MAP1LC3C: variants seen among roughly 807,000 people sequenced by gnomAD.
The protein encoded by MAP1LC3C is microtubule associated protein 1 light chain 3 gamma.
In MAP1LC3C, 12 loss-of-function variants were observed where a neutral mutation model predicts 10.4. The observed-to-expected ratio is 1.15, with a 90% CI of 0.74 to 1.86. The LOEUF (loss-of-function observed/expected upper bound fraction) is 1.86. Among genes scored for constraint, MAP1LC3C ranks in the 40% most tolerant of loss-of-function variants. The pLI is 0.00. For missense variants in MAP1LC3C, 177 were observed against 185.7 expected (o/e 0.95, Z 0.27); for synonymous variants, 70 against 69.0 (o/e 1.01, Z -0.07).
At chr1:241,998,462 G>T in intron 3 of MAP1LC3C, 52 bp downstream of exon 3, 1 of 1,509,438 alleles carries the variant, frequency 6.6e-7, no homozygotes, top group Non-Finnish European at 9.2e-7. Flanking sequence ...AAGCCCAACA[G>T]CCCCGGCGCA....
chr1:241,997,002 G>T (rs3932333), intron 3 of MAP1LC3C, among the ~76,000 whole-genome samples: 133,159 of 147,198 alleles, frequency 0.9, 60,426 homozygotes, highest in Non-Finnish European at 0.96. Context: ...TTTTTTTTTT[G>T]ATTCCCCTGC....
In MAP1LC3C at chr1:241,997,978, G is replaced by A. The variant is rs117757107; in HGVS notation, c.221+536C>T. Among the ~76,000 whole-genome samples the A allele has an allele frequency of 2.5e-3, 367 of 149,500 alleles. 12 individuals carry two copies. The East Asian group carries it at 0.062, about 25-fold the overall frequency. On this transcript the variant is annotated intron_variant, in intron 3 of 3. Coordinates refer to ENST00000357246, the MANE Select transcript of MAP1LC3C (RefSeq NM_001004343.3). ...TTGGCAGGTCTTTTTTGTTGTTGTC[G>A]TTGTCTGAGGGATTCTCCTTACCTG...
chr1:241,997,876 C>T (rs1665116408), intron 3 of MAP1LC3C, among the ~76,000 whole-genome samples: 1 of 152,108 alleles, frequency 6.6e-6, no homozygotes. Context: ...CTCGGTTTCA[C>T]ACAAGATCTG....
chr1:241,996,184 G>A lies in MAP1LC3C; in HGVS notation c.423C>T (p.Asp141=). The change falls in exon 4 of 4, where the codon GAC becomes GAT. Residue 141 remains aspartate (D), a synonymous_variant. Transcript: ENST00000357246. Reference sequence around the variant, plus strand: ...TGGGCTAGAGAGGATTGCAGGGTCTGTCCTCAAGGCTGCTCCCATCCCTGG... The same window carrying A: ...TGGGCTAGAGAGGATTGCAGGGTCTATCCTCAAGGCTGCTCCCATCCCTGG... ...AAPRDGSSLE[D]RPCNPL is the part of the protein sequence containing the mutation. The A allele has an allele frequency of 6.2e-7, 1 of 1,614,014 alleles. No homozygotes were observed. Among genetic ancestry groups the A allele is most frequent in the Non-Finnish European group, 8.5e-7 (1 of 1,180,018 alleles).
chr1:241,998,732 AC>A (rs1184230262), intron 2 of MAP1LC3C, 43 bp downstream of exon 2: 1 of 1,612,754 alleles, frequency 6.2e-7, no homozygotes, highest in Non-Finnish European at 8.5e-7. Context: ...CAGGATCGGA[AC>A]CCCACCCCCA....
chr1:242,000,789 T>C (rs1426405032), upstream of MAP1LC3C, among the ~76,000 whole-genome samples: 3 of 152,160 alleles, frequency 2.0e-5, no homozygotes, highest in Non-Finnish European at 2.9e-5. Flanking sequence ...GGAGGCTTCA[T>C]TATGTAAGCA....
chr1:241,999,026 T>A lies in MAP1LC3C; in HGVS notation c.-18A>T. 6.3e-7 allele frequency: 1 copy of A among 1,591,426 alleles called. No individual in the cohort carries two copies. The highest frequency in any genetic ancestry group is 2.2e-5 in the East Asian group (1 of 44,768). On this transcript the variant is annotated 5_prime_UTR_variant, in exon 1 of 4. Transcript: ENST00000357246. ...GGCGGCATTGCACTCAGTAGCTGTG[T>A]CTGTTTTAAAAAAGAAAAAAAAACT...
At chr1:242,000,771 G>T (rs1665181743), upstream of MAP1LC3C, among the ~76,000 whole-genome samples, 1 of 152,244 alleles carries the variant, frequency 6.6e-6, no homozygotes, top group South Asian at 2.1e-4. Flanking sequence ...GGCCTTTTGG[G>T]TTTTTACGGA....
intron 3 of MAP1LC3C, among the ~76,000 whole-genome samples, chr1:241,997,434 C>T (rs572478401): frequency 2.4e-4 from 37 of 152,196 alleles, no homozygotes; most frequent in Admixed American, 1.6e-3. Context: ...ATGGGAGGAT[C>T]GCCTGAGCCC....
upstream of MAP1LC3C, among the ~76,000 whole-genome samples, chr1:242,000,043 ATGTGTGTG>A (rs35676574): frequency 2.7e-5 from 4 of 150,738 alleles, no homozygotes; most frequent in African/African-American, 9.7e-5. Context: ...TTGACACTAG[ATGTGTGTG>A]TGTGTGTGTG....
chr1:241,999,391 G>C (rs1337517127), upstream of MAP1LC3C, among the ~76,000 whole-genome samples: 1 of 151,512 alleles, frequency 6.6e-6, no homozygotes. Context: ...GCAAGGGGGG[G>C]TCCAAGCTGG....
upstream of MAP1LC3C, chr1:241,999,110 C>A (rs999480286): frequency 6.7e-7 from 1 of 1,494,308 alleles, no homozygotes; most frequent in Non-Finnish European, 8.8e-7. Context: ...CCTGCAGGAG[C>A]CTGAAGGAGG....
Position 241,999,018 on chromosome 1 carries a change from T to G in MAP1LC3C, c.-10A>C, listed in dbSNP as rs766286647. 2.5e-6 allele frequency: 4 copies of G among 1,596,734 alleles called. No homozygotes were observed. Among genetic ancestry groups the G allele is most frequent in the African/African-American group, 2.7e-5 (2 of 73,330 alleles). On this transcript the variant is annotated 5_prime_UTR_variant, in exon 1 of 4. Transcript: ENST00000357246. ...TCTGTGGAGGCGGCATTGCACTCAG[T>G]AGCTGTGTCTGTTTTAAAAAAGAAA...
intron 1 of MAP1LC3C, 52 bp from the exon 2 acceptor site, chr1:241,998,883 A>G: frequency 6.2e-7 from 1 of 1,614,030 alleles, no homozygotes; most frequent in Non-Finnish European, 8.5e-7. Flanking sequence ...AAAAGAAGCA[A>G]AGATCAAGAG....
Position 241,998,500 on chromosome 1 carries a change from T to C in MAP1LC3C, c.221+14A>G, listed in dbSNP as rs1665132269. On this transcript the variant is annotated intron_variant, in intron 3 of 3. Coordinates refer to ENST00000357246, the MANE Select transcript of MAP1LC3C (RefSeq NM_001004343.3). ...CAGCGCACCTTCCTCCGGGGCACGC[T>C]CTGCGCCACCTACCGGATGATGCTG... The C allele has an allele frequency of 6.2e-7, 1 of 1,612,778 alleles. No homozygotes were observed. Among genetic ancestry groups the C allele is most frequent in the African/African-American group, 1.3e-5 (1 of 74,882 alleles).
chr1:241,999,388 GGGGTCCAA>G (rs375347052), upstream of MAP1LC3C, among the ~76,000 whole-genome samples: 342 of 152,326 alleles, frequency 2.2e-3, 1 homozygote, highest in South Asian at 5.2e-3. Flanking sequence ...GTAGCAAGGG[GGGGTCCAA>G]GCTGGATCCA....
At chr1:242,000,838 C>T (rs905397222), upstream of MAP1LC3C, among the ~76,000 whole-genome samples, 15 of 152,130 alleles carry the variant, frequency 9.9e-5, no homozygotes, top group Non-Finnish European at 1.6e-4. Context: ...ATCAATTTAA[C>T]TTTCAACCCC....
At chr1:242,001,213 C>T (rs1665189009), upstream of MAP1LC3C, among the ~76,000 whole-genome samples, 1 of 151,420 alleles carries the variant, frequency 6.6e-6, no homozygotes, top group African/African-American at 2.4e-5. Flanking sequence ...GGAGGTGGAG[C>T]TTGCAGTAAG....
intron 3 of MAP1LC3C, among the ~76,000 whole-genome samples, chr1:241,996,863 A>G (rs913257376): frequency 8.3e-6 from 1 of 120,680 alleles, no homozygotes; most frequent in African/African-American, 3.1e-5. Context: ...GTGAGCCGAA[A>G]TTGCGCCACT....
Sources: gnomAD v4.1 joint callset for allele counts (sites outside exome capture counted in the v4.1 genomes callset) on GRCh38, gnomAD v4.1.1 for gene constraint, MANE v1.5 for transcripts, NCBI Gene and HGNC (gene_info 2026-07-23, HGNC 2026-07-21) for gene names.